Variants in SLC22A4 observed in about 807,000 individuals in gnomAD.
SLC22A4 encodes the protein solute carrier family 22 member 4.
Under a neutral mutation model 56.6 loss-of-function variants are expected in SLC22A4, and 39 were observed. That is an observed-to-expected ratio of 0.69 (90% CI 0.53 to 0.90). The LOEUF is 0.90. SLC22A4 is among the 40% of genes least tolerant of loss of function. SLC22A4 has a pLI of 0.00. For synonymous variants in SLC22A4, 241 were observed against 281.4 expected, an observed-to-expected ratio of 0.86 and a Z score of 1.44; for missense variants, 594 against 696.5, an observed-to-expected ratio of 0.85 and a Z score of 1.66.
intron 1 of SLC22A4, among the ~76,000 whole-genome samples, chr5:132,308,703 G>C (rs373607988): frequency 6.6e-6 from 1 of 152,126 alleles, no homozygotes; most frequent in East Asian, 1.9e-4. Context: ...AGGCCATGCG[G>C]CCCAGCTAAA....
Position 132,327,495 on chromosome 5 carries a change from T to TA in SLC22A4, c.951+93dup, listed in dbSNP as rs1381534872. ...AATTCAATATTTGTTAAGTGCCCACTATGTACCAGGCATTGCACTAGGCCT... is the reference window on the plus strand; with the variant it reads ...AATTCAATATTTGTTAAGTGCCCACTAATGTACCAGGCATTGCACTAGGCCT... On this transcript the variant is annotated intron_variant, in intron 5 of 9. Transcript: ENST00000200652. The TA allele has an allele frequency of 2.7e-6, 3 of 1,095,676 alleles. No individual in the cohort carries two copies. In the African/African-American group the frequency reaches 4.6e-5, roughly 17 times the overall value. 67.9% of individuals were successfully genotyped at this position (1,095,676 alleles called of 1,614,324 possible).
At position 132,301,775 on chromosome 5, in the gene SLC22A4, G is replaced by A. The variant is rs142391604; in HGVS notation, c.393+6766G>A. 8.2e-4 allele frequency among the ~76,000 whole-genome samples: 125 copies of A among 152,336 alleles called. 2 individuals are homozygous for A. In the East Asian group the frequency reaches 0.019, roughly 23 times the overall value. On this transcript the variant is annotated intron_variant, in intron 1 of 9. Coordinates refer to ENST00000200652, the MANE Select transcript of SLC22A4 (RefSeq NM_003059.3). ...AGGATGCACCTCCCCTGGGGTCTGGGTAGGCCCCGACAAAAGGGGAAAACC... is the reference window on the plus strand; with the variant it reads ...AGGATGCACCTCCCCTGGGGTCTGGATAGGCCCCGACAAAAGGGGAAAACC...
chr5:132,298,557 C>T (rs1749831077), intron 1 of SLC22A4, among the ~76,000 whole-genome samples: 1 of 152,192 alleles, frequency 6.6e-6, no homozygotes, highest in Admixed American at 6.5e-5. Flanking sequence ...AGTGTGAACG[C>T]TTCTGAACTG....
intron 5 of SLC22A4, among the ~76,000 whole-genome samples, chr5:132,329,965 C>T (rs1208975730): frequency 6.6e-6 from 1 of 152,208 alleles, no homozygotes; most frequent in African/African-American, 2.4e-5. Context: ...CAAGTATTAG[C>T]ACAGGACTGG....
intron 2 of SLC22A4, 130 bp downstream of exon 2, chr5:132,312,394 T>C (rs1039283292): frequency 1.9e-5 from 14 of 718,566 alleles, no homozygotes; most frequent in African/African-American, 8.6e-5. Flanking sequence ...GATTCAGTGA[T>C]AGGAGGAGCC....
intron 8 of SLC22A4, among the ~76,000 whole-genome samples, chr5:132,339,385 C>A (rs1430535432): frequency 6.6e-6 from 1 of 151,774 alleles, no homozygotes; most frequent in Admixed American, 6.6e-5. Flanking sequence ...GATCTGACAC[C>A]CCATGCCTGG....
intron 2 of SLC22A4, 45 bp downstream of exon 2, chr5:132,312,309 A>G (rs1179458154): frequency 4.4e-6 from 5 of 1,143,222 alleles, no homozygotes; most frequent in Non-Finnish European, 6.7e-6. Context: ...GCCCCTTGTC[A>G]ATCACTGCCT....
At chr5:132,337,450 T>C (rs531903091) in intron 8 of SLC22A4, among the ~76,000 whole-genome samples, 1 of 151,756 alleles carries the variant, frequency 6.6e-6, no homozygotes, top group East Asian at 1.9e-4. Context: ...AATTTTTTTT[T>C]TTTTCTGGTA....
At chr5:132,309,390 C>T (rs1410331536) in intron 1 of SLC22A4, among the ~76,000 whole-genome samples, 6 of 152,242 alleles carry the variant, frequency 3.9e-5, no homozygotes, top group Non-Finnish European at 5.9e-5. Context: ...GATGGCACCC[C>T]TCATGGGCTT....
chr5:132,332,730 GCACA>G (rs3840351), intron 6 of SLC22A4, among the ~76,000 whole-genome samples: 5,280 of 145,696 alleles, frequency 0.036, 210 homozygotes, highest in African/African-American at 0.11. Context: ...TATGATGGCA[GCACA>G]CACACACACA....
At chr5:132,313,523 C>A in intron 2 of SLC22A4, 91 bp from the exon 3 acceptor site, 1 of 1,211,376 alleles carries the variant, frequency 8.3e-7, no homozygotes, top group Non-Finnish European at 1.2e-6. Flanking sequence ...CCTGAAAAAA[C>A]ACTAAGTCTG....
At chr5:132,315,488 G>A (rs3792883) in intron 3 of SLC22A4, among the ~76,000 whole-genome samples, 11,677 of 152,248 alleles carry the variant, frequency 0.077, 574 homozygotes, top group East Asian at 0.27. Flanking sequence ...AGCCTCCCCT[G>A]TGTGAGCGGG....
At chr5:132,334,445 T>C (rs936207374) in intron 6 of SLC22A4, among the ~76,000 whole-genome samples, 2 of 152,228 alleles carry the variant, frequency 1.3e-5, no homozygotes, top group African/African-American at 2.4e-5. Context: ...CACTGTCCAA[T>C]AGAACTTTCT....
At chr5:132,303,293 AATACAC>A (rs1274522426) in intron 1 of SLC22A4, among the ~76,000 whole-genome samples, 2 of 151,450 alleles carry the variant, frequency 1.3e-5, no homozygotes, top group Non-Finnish European at 2.9e-5. Context: ...AACTGGTGAA[AATACAC>A]ACACACACAC....
chr5:132,315,095 C>T (rs1279323914), intron 3 of SLC22A4, among the ~76,000 whole-genome samples: 1 of 152,198 alleles, frequency 6.6e-6, no homozygotes, highest in Non-Finnish European at 1.5e-5. Context: ...AAATTGCAAC[C>T]TCCTAGTCCC....
intron 8 of SLC22A4, among the ~76,000 whole-genome samples, chr5:132,336,675 T>G (rs1489072243): frequency 6.6e-6 from 1 of 152,246 alleles, no homozygotes; most frequent in East Asian, 1.9e-4. Flanking sequence ...AGGTACCTCC[T>G]TTTAAAAATG....
chr5:132,311,862 T>C (rs1179674117), intron 1 of SLC22A4: 3 of 480,698 alleles, frequency 6.2e-6, no homozygotes, highest in Non-Finnish European at 1.2e-5. Context: ...GTCACAGCCA[T>C]GGCCTTGGCT....
At chr5:132,306,389 ATATATATAT>A (rs1750033981) in intron 1 of SLC22A4, among the ~76,000 whole-genome samples, 1 of 23,614 alleles carries the variant, frequency 4.2e-5, no homozygotes, top group Admixed American at 5.5e-4. Flanking sequence ...CGTGAAATAT[ATATATATAT>A]ATATATATAT....
At chr5:132,318,756 G>A (rs1362685590) in intron 3 of SLC22A4, among the ~76,000 whole-genome samples, 2 of 152,124 alleles carry the variant, frequency 1.3e-5, no homozygotes, top group South Asian at 4.1e-4. Context: ...TGGCTTAGAT[G>A]TCAAAGTTTC....
Sources: gnomAD v4.1 joint callset for allele counts (sites outside exome capture counted in the v4.1 genomes callset) on GRCh38, gnomAD v4.1.1 for gene constraint, MANE v1.5 for transcripts, NCBI Gene and HGNC (gene_info 2026-07-23, HGNC 2026-07-21) for gene names.